The following VAMP7 variants were observed in gnomAD, a reference collection of about 807,000 sequenced individuals.
The protein encoded by VAMP7 is vesicle-associated membrane protein 7.
A neutral mutation model predicts 29.6 loss-of-function variants in VAMP7; 14 were observed. That is an observed-to-expected ratio of 0.47 (90% CI 0.31 to 0.74). VAMP7 has a LOEUF of 0.74. VAMP7 is among the 30% of genes least tolerant of loss of function. VAMP7 has a pLI of 0.05. For missense variants in VAMP7, 223 were observed against 262.4 expected (o/e 0.85, Z 1.04); for synonymous variants, 95 against 88.1 (o/e 1.08, Z -0.44).
At position 155,921,153 on chromosome X, in the gene VAMP7, T is replaced by C. The variant is rs776184561; in HGVS notation, c.501+1273T>C. ...GGTCTGTCTTTGACCAATAGTAGTA[T>C]GATCTGTACTTTACAAATAAAAGTC... On this transcript the variant is annotated intron_variant, in intron 6 of 7. Coordinates refer to ENST00000286448, the MANE Select transcript of VAMP7 (RefSeq NM_005638.6). 2.1e-4 allele frequency among the ~76,000 whole-genome samples: 32 copies of C among 152,310 alleles called. No individual in the cohort carries two copies. The South Asian group carries it at 6.6e-3, about 32-fold the overall frequency.
At chrX:155,940,519 A>G (rs1181904645) in intron 7 of VAMP7, among the ~76,000 whole-genome samples, 1 of 152,140 alleles carries the variant, frequency 6.6e-6, no homozygotes, top group East Asian at 1.9e-4. Flanking sequence ...CTAATATCAC[A>G]TTTTAGGCTC....
Position 155,895,652 on chromosome X carries a change from G to A in VAMP7, c.176G>A (p.Arg59Lys). The A allele has an allele frequency of 1.2e-6, 2 of 1,610,480 alleles. No homozygotes were observed. The highest frequency in any genetic ancestry group is 1.1e-5 in the South Asian group (1 of 90,892). Residue 59 changes from arginine (R) to lysine (K), a missense_variant, in exon 3 of 8, where the codon AGG (arginine) becomes AAG (lysine). Transcript: ENST00000286448. ...TTGTTTCATTACATCTGCCAAGACA[G>A]GATTGTATATCTTTGTATCACTGAT... ...NYLFHYICQD[R>K]IVYLCITDDD...
chrX:155,926,888 G>T (rs2066475192), intron 6 of VAMP7, among the ~76,000 whole-genome samples: 1 of 152,116 alleles, frequency 6.6e-6, no homozygotes, highest in Admixed American at 6.5e-5. Context: ...AAATAGGGAG[G>T]CCTGAGAGGG....
chrX:155,935,081 G>T (rs1378357718), intron 6 of VAMP7, among the ~76,000 whole-genome samples: 1 of 152,106 alleles, frequency 6.6e-6, no homozygotes, highest in African/African-American at 2.4e-5. Context: ...CTGTTAGTCT[G>T]ATGGGCTTCC....
At chrX:155,921,191 A>C (rs2066391114) in intron 6 of VAMP7, among the ~76,000 whole-genome samples, 1 of 152,178 alleles carries the variant, frequency 6.6e-6, no homozygotes, top group African/African-American at 2.4e-5. Context: ...AATTTTGTTG[A>C]CTTCATGACT....
In VAMP7 at chrX:155,924,925, G is replaced by C. The variant is rs189612878; in HGVS notation, c.501+5045G>C. Among the ~76,000 whole-genome samples, 6 of 152,260 alleles carry C rather than the reference G, an allele frequency of 3.9e-5. No homozygotes were observed. In the East Asian group the frequency reaches 1.2e-3, roughly 29 times the overall value. Reference sequence around the variant, plus strand: ...GTTGATGTAATTTTCTAAATCTTTTGTTGTCATTTCAACAGTGTTCACAGC... The same window carrying C: ...GTTGATGTAATTTTCTAAATCTTTTCTTGTCATTTCAACAGTGTTCACAGC... On this transcript the variant is annotated intron_variant, in intron 6 of 7. Transcript: ENST00000286448.
At chrX:155,903,639 A>G (rs773491616) in intron 5 of VAMP7, among the ~76,000 whole-genome samples, 2 of 152,296 alleles carry the variant, frequency 1.3e-5, no homozygotes, top group East Asian at 3.9e-4. Context: ...AGAAATGCAA[A>G]TCAAAACCAC....
chrX:155,886,746 G>A (rs1390534984), intron 1 of VAMP7, among the ~76,000 whole-genome samples: 3 of 152,206 alleles, frequency 2.0e-5, no homozygotes, highest in African/African-American at 7.2e-5. Context: ...AGCACAGAGT[G>A]TAATGGGACT....
At chrX:155,930,498 A>C (rs1378876825) in intron 6 of VAMP7, among the ~76,000 whole-genome samples, 3 of 151,452 alleles carry the variant, frequency 2.0e-5, no homozygotes, top group African/African-American at 7.3e-5. Flanking sequence ...ACAAAAAAAA[A>C]AAAAAAATAG....
rs1411265207 is a variant in VAMP7, at chrX:155,942,336, C to T, written c.*385C>T. On this transcript the variant is annotated 3_prime_UTR_variant, in exon 8 of 8. Coordinates refer to ENST00000286448, the MANE Select transcript of VAMP7 (RefSeq NM_005638.6). Reference sequence around the variant, plus strand: ...TGTGCACACAAAAGTATTCAAGAGACAGTATTGCTAACATCTCATCTTAAT... The same window carrying T: ...TGTGCACACAAAAGTATTCAAGAGATAGTATTGCTAACATCTCATCTTAAT... 3.1e-6 allele frequency: 2 copies of T among 651,600 alleles called. No individual in the cohort carries two copies. Among genetic ancestry groups the T allele is most frequent in the East Asian group, 5.5e-5 (2 of 36,412 alleles). The allele number at this position is 651,600 out of a possible 1,614,324, so 40.4% of individuals were successfully genotyped here.
intron 5 of VAMP7, among the ~76,000 whole-genome samples, chrX:155,915,526 CT>C (rs2124333720): frequency 6.6e-6 from 1 of 152,300 alleles, no homozygotes; most frequent in African/African-American, 2.4e-5. Context: ...CCTCTAAATA[CT>C]GCTTTAGCTG....
chrX:155,917,237 T>C (rs1418795173), intron 5 of VAMP7, among the ~76,000 whole-genome samples: 2 of 152,182 alleles, frequency 1.3e-5, no homozygotes, highest in Non-Finnish European at 2.9e-5. Flanking sequence ...CTAAACTGGC[T>C]ATTCTAGTTA....
chrX:155,919,154 T>A (rs1454112500), intron 5 of VAMP7, among the ~76,000 whole-genome samples: 4 of 152,126 alleles, frequency 2.6e-5, no homozygotes, highest in African/African-American at 9.7e-5. Context: ...AGAAGTGATA[T>A]TAGTTCTTCT....
At chrX:155,925,402 T>C (rs1231641939) in intron 6 of VAMP7, among the ~76,000 whole-genome samples, 1 of 152,156 alleles carries the variant, frequency 6.6e-6, no homozygotes, top group Non-Finnish European at 1.5e-5. Flanking sequence ...AGAATGGATG[T>C]TGTATTAGCA....
At chrX:155,890,136 T>A (rs1266921569) in intron 2 of VAMP7, among the ~76,000 whole-genome samples, 1 of 151,732 alleles carries the variant, frequency 6.6e-6, no homozygotes, top group African/African-American at 2.4e-5. Context: ...GGTAGAGAAG[T>A]ATGGAGGCAT....
chrX:155,889,736 AC>A lies in VAMP7; in HGVS notation c.146+126del, dbSNP rs1352513140. Reference sequence around the variant, plus strand: ...ATTTGAATAAGCTGACAGAATAGTAACCTTCACCAACTTAGAAAATATATCT... The same window carrying A: ...ATTTGAATAAGCTGACAGAATAGTAACTTCACCAACTTAGAAAATATATCT... On this transcript the variant is annotated intron_variant, in intron 2 of 7. Coordinates refer to ENST00000286448, the MANE Select transcript of VAMP7 (RefSeq NM_005638.6). 12 of 1,056,010 alleles carry A rather than the reference AC, an allele frequency of 1.1e-5. No homozygotes were observed. In the Admixed American group the frequency reaches 1.7e-4, roughly 15 times the overall value. 65.4% of individuals were successfully genotyped at this position (1,056,010 alleles called of 1,614,324 possible). A position where few individuals can be genotyped will look rare whatever the true frequency, so the allele number is the denominator to read the frequency against.
intron 5 of VAMP7, among the ~76,000 whole-genome samples, chrX:155,909,554 G>T (rs1459927184): frequency 3.3e-5 from 5 of 152,036 alleles, no homozygotes; most frequent in Non-Finnish European, 7.4e-5. Flanking sequence ...GATCCATAAG[G>T]TAGAAAGTTA....
At chrX:155,901,116 T>C (rs1313411688) in intron 5 of VAMP7, among the ~76,000 whole-genome samples, 1 of 152,058 alleles carries the variant, frequency 6.6e-6, no homozygotes, top group African/African-American at 2.4e-5. Flanking sequence ...AGGACTGATT[T>C]AGAAGTTTAT....
intron 5 of VAMP7, among the ~76,000 whole-genome samples, chrX:155,913,385 C>A (rs1456138616): frequency 6.6e-6 from 1 of 152,154 alleles, no homozygotes; most frequent in African/African-American, 2.4e-5. Flanking sequence ...AATTAGATCC[C>A]ATTTGTCAAT....
Sources: gnomAD v4.1 joint callset for allele counts (sites outside exome capture counted in the v4.1 genomes callset) on GRCh38, gnomAD v4.1.1 for gene constraint, MANE v1.5 for transcripts, NCBI Gene and HGNC (gene_info 2026-07-23, HGNC 2026-07-21) for gene names.